FNDC3B: variants seen among roughly 807,000 people sequenced by gnomAD.
FNDC3B encodes the protein fibronectin type III domain-containing protein 3B.
A neutral mutation model predicts 151.5 loss-of-function variants in FNDC3B; 12 were observed. The ratio of observed to expected loss-of-function variants is 0.08; its 90% CI spans 0.05 to 0.13. The LOEUF is 0.13. FNDC3B is among the 10% of genes least tolerant of loss of function. FNDC3B has a pLI of 1.00. For missense variants in FNDC3B, 1,214 were observed against 1,505.3 expected (o/e 0.81, Z 3.20); for synonymous variants, 528 against 549.0 (o/e 0.96, Z 0.54).
At chr3:172,099,940 A>G (rs369457875) in intron 1 of FNDC3B, among the ~76,000 whole-genome samples, 13 of 152,206 alleles carry the variant, frequency 8.5e-5, no homozygotes, top group Non-Finnish European at 2.9e-5. Flanking sequence ...GGGTACTCCT[A>G]AGACCCTCTT....
At chr3:172,100,057 G>A (rs1282712916) in intron 1 of FNDC3B, among the ~76,000 whole-genome samples, 1 of 152,138 alleles carries the variant, frequency 6.6e-6, no homozygotes, top group African/African-American at 2.4e-5. Flanking sequence ...TATTTTGTGT[G>A]TGTCTTTTGT....
chr3:172,147,679 T>G (rs1248665076), intron 3 of FNDC3B, among the ~76,000 whole-genome samples: 1 of 152,104 alleles, frequency 6.6e-6, no homozygotes, highest in Non-Finnish European at 1.5e-5. Flanking sequence ...GATTCAGGTC[T>G]GGGGTGGGTG....
At chr3:172,388,602 A>T (rs553370510) in intron 25 of FNDC3B, among the ~76,000 whole-genome samples, 2 of 152,340 alleles carry the variant, frequency 1.3e-5, no homozygotes, top group African/African-American at 4.8e-5. Flanking sequence ...GCAGAGCTGC[A>T]CAGTCCTGGG....
intron 8 of FNDC3B, among the ~76,000 whole-genome samples, chr3:172,297,643 T>A (rs985305273): frequency 6.6e-6 from 1 of 152,098 alleles, no homozygotes; most frequent in African/African-American, 2.4e-5. Flanking sequence ...CCCGGCTAAT[T>A]TTTTGTATTT....
At position 172,108,484 on chromosome 3, in the gene FNDC3B, A is replaced by G. The variant is rs113471394; in HGVS notation, c.-28-3968A>G. 6.8e-4 allele frequency among the ~76,000 whole-genome samples: 103 copies of G among 152,312 alleles called. 1 individual carries two copies. Among genetic ancestry groups the G allele is most frequent in the African/African-American group, 2.4e-3 (99 of 41,558 alleles). ...AAAGCCTTGTCGGCTTTCATCAGGT[A>G]GGTATTCCTGAGGTCTCCTCACAGC... On this transcript the variant is annotated intron_variant, in intron 1 of 25. Coordinates refer to ENST00000415807, the MANE Select transcript of FNDC3B (RefSeq NM_022763.4).
intron 23 of FNDC3B, among the ~76,000 whole-genome samples, chr3:172,370,897 G>A (rs1734849245): frequency 6.6e-6 from 1 of 152,156 alleles, no homozygotes; most frequent in Non-Finnish European, 1.5e-5. Context: ...TCTATTATCA[G>A]CATCGTCCAC....
At position 172,378,363 on chromosome 3, in the gene FNDC3B, C is replaced by T. The variant is rs200379632; in HGVS notation, c.3102C>T (p.Ser1034=). 13 of 1,613,934 alleles carry T rather than the reference C, an allele frequency of 8.1e-6. No homozygotes were observed. The highest frequency in any genetic ancestry group is 5.5e-5 in the South Asian group (5 of 91,062). Residue 1034 remains serine, a synonymous_variant, in exon 24 of 26, where the codon AGC becomes AGT. Coordinates refer to ENST00000415807, the MANE Select transcript of FNDC3B (RefSeq NM_022763.4). The stretch of plus-strand genomic sequence containing the variant: ...ACTCCTTCAGAATCCAGGCAGCAAG[C>T]GAGGCTGGAGAAGGGCCCTTCTCAG... ...TCYSFRIQAA[S]EAGEGPFSET...
intron 6 of FNDC3B, among the ~76,000 whole-genome samples, chr3:172,267,142 G>T (rs1348422124): frequency 1.3e-5 from 2 of 150,854 alleles, no homozygotes; most frequent in African/African-American, 4.9e-5. Flanking sequence ...GTTTACGTAG[G>T]GAAATCTACA....
At chr3:172,306,227 G>A (rs932933504) in intron 9 of FNDC3B, among the ~76,000 whole-genome samples, 2 of 152,158 alleles carry the variant, frequency 1.3e-5, no homozygotes, top group Admixed American at 1.3e-4. Flanking sequence ...AGGGCTAAGG[G>A]AAGTGGATTG....
intron 1 of FNDC3B, among the ~76,000 whole-genome samples, chr3:172,058,111 C>T (rs1370584674): frequency 3.9e-5 from 6 of 152,154 alleles, no homozygotes; most frequent in African/African-American, 9.7e-5. Flanking sequence ...CAATTGTGGA[C>T]GTTTTAACCA....
At chr3:172,168,901 C>T (rs567402845) in intron 3 of FNDC3B, among the ~76,000 whole-genome samples, 6 of 150,628 alleles carry the variant, frequency 4.0e-5, no homozygotes, top group East Asian at 1.9e-4. Context: ...TTGCTAGAGA[C>T]GGGGTTTCAC....
chr3:172,044,257 TGTATGGAATAGTGAAAATTCCAACTC>T lies in FNDC3B; in HGVS notation c.-29+4487_-29+4512del, dbSNP rs1560379692. On this transcript the variant is annotated intron_variant, in intron 1 of 25. Transcript: ENST00000415807. ...AGGAATTTCAACAACTTTCTGATTT[TGTATGGAATAGTGAAAATTCCAACTC>T]TTTTTTTTTTTTTTTTTTTGGTGTG... is the stretch of plus-strand genomic sequence containing the variant. 3.7e-4 allele frequency among the ~76,000 whole-genome samples: 49 copies of T among 132,852 alleles called. 1 individual carries two copies. The highest frequency in any genetic ancestry group is 1.3e-3 in the African/African-American group (34 of 25,744). The allele number at this position is 132,852 out of a possible 152,430, so 87.2% of individuals were successfully genotyped here.
intron 24 of FNDC3B, among the ~76,000 whole-genome samples, chr3:172,378,963 T>C (rs1033853337): frequency 6.6e-6 from 1 of 152,194 alleles, no homozygotes; most frequent in Admixed American, 6.5e-5. Context: ...TCTGGCCCCT[T>C]AATGGGATCA....
At chr3:172,180,344 CT>C (rs1358943214) in intron 3 of FNDC3B, among the ~76,000 whole-genome samples, 2 of 152,128 alleles carry the variant, frequency 1.3e-5, no homozygotes, top group African/African-American at 4.8e-5. Flanking sequence ...TAATAAGCCC[CT>C]AAGTGATCCC....
intron 3 of FNDC3B, among the ~76,000 whole-genome samples, chr3:172,165,941 A>AT (rs1165444544): frequency 6.6e-6 from 1 of 152,166 alleles, no homozygotes; most frequent in Non-Finnish European, 1.5e-5. Context: ...GGAGTGTTTC[A>AT]TTTTGTTCTT....
chr3:172,168,310 A>G (rs1723107426), intron 3 of FNDC3B, among the ~76,000 whole-genome samples: 1 of 152,196 alleles, frequency 6.6e-6, no homozygotes, highest in Non-Finnish European at 1.5e-5. Context: ...TACTCATCTT[A>G]TAAAAAGACT....
chr3:172,192,477 G>A (rs112187107), intron 3 of FNDC3B, among the ~76,000 whole-genome samples: 4 of 152,026 alleles, frequency 2.6e-5, no homozygotes, highest in Admixed American at 6.5e-5. Context: ...GAGCCACCGC[G>A]CCTGGCTGGT....
chr3:172,391,529 A>G (rs565183228), intron 25 of FNDC3B, among the ~76,000 whole-genome samples: 2 of 152,362 alleles, frequency 1.3e-5, no homozygotes, highest in African/African-American at 4.8e-5. Context: ...CCCAGCTCCC[A>G]GGATTGCACA....
chr3:172,136,994 A>G (rs576540482), intron 3 of FNDC3B, among the ~76,000 whole-genome samples: 1 of 152,300 alleles, frequency 6.6e-6, no homozygotes, highest in South Asian at 2.1e-4. Flanking sequence ...ATGAGCCACC[A>G]CATCCGGCGG....
Sources: allele counts gnomAD v4.1 joint callset (sites outside exome capture counted in the v4.1 genomes callset), GRCh38; gene constraint gnomAD v4.1.1; transcripts MANE v1.5; gene names NCBI Gene and HGNC (gene_info 2026-07-23, HGNC 2026-07-21).